PDZD8: variants seen among roughly 807,000 people sequenced by gnomAD.
PDZD8 encodes the protein PDZ domain containing 8.
In PDZD8, 14 loss-of-function variants were observed where a neutral mutation model predicts 85.8. That is an observed-to-expected ratio of 0.16 (90% CI 0.11 to 0.26). The LOEUF is 0.26. PDZD8 is among the 10% of genes least tolerant of loss of function. The pLI, the probability that PDZD8 is intolerant of heterozygous loss-of-function variation, is 1.00. For synonymous variants in PDZD8, 592 were observed against 568.6 expected, an observed-to-expected ratio of 1.04 and a Z score of -0.59; for missense variants, 1,197 against 1,424.3, an observed-to-expected ratio of 0.84 and a Z score of 2.57.
Position 117,283,567 on chromosome 10 carries a change from A to C in PDZD8, c.3166T>G (p.Ser1056Ala), listed in dbSNP as rs780719586. The part of the protein sequence containing the change: ...EIDQELEHNN[S>A]LVREEKETTD... ...GTCTCTTTTTCTTCTCTAACAAGGG[A>C]ATTATTGTGTTCCAACTCCTGATCA... Residue 1056 changes from serine to alanine, a missense_variant, in exon 5 of 5, where the codon TCC becomes GCC. By Grantham distance (99) the Ser-to-Ala change is moderately conservative. This residue lies in a region of PDZD8 where 418 missense variants were observed against 571.1 expected (regional missense o/e 0.73). Coordinates refer to ENST00000334464, the MANE Select transcript of PDZD8 (RefSeq NM_173791.5). The C allele has an allele frequency of 1.2e-6, 2 of 1,614,088 alleles. No homozygotes were observed. The highest frequency in any genetic ancestry group is 2.2e-5 in the South Asian group (2 of 91,070).
intron 4 of PDZD8, among the ~76,000 whole-genome samples, chr10:117,287,989 C>T (rs1283737346): frequency 6.6e-6 from 1 of 152,206 alleles, no homozygotes; most frequent in Non-Finnish European, 1.5e-5. Flanking sequence ...AATCTGAACT[C>T]ATTTTTTATG....
At chr10:117,347,193 G>A (rs1030075759) in intron 1 of PDZD8, among the ~76,000 whole-genome samples, 8 of 151,716 alleles carry the variant, frequency 5.3e-5, no homozygotes, top group African/African-American at 1.7e-4. Context: ...ATTATACCCC[G>A]CCAGCATTAA....
chr10:117,307,832 T>C (rs1843969382), intron 3 of PDZD8, among the ~76,000 whole-genome samples: 1 of 152,104 alleles, frequency 6.6e-6, no homozygotes, highest in African/African-American at 2.4e-5. Flanking sequence ...TTGCTGTTTC[T>C]ACCCCTTTCC....
At chr10:117,300,052 T>G (rs1191969927) in intron 3 of PDZD8, among the ~76,000 whole-genome samples, 3 of 119,410 alleles carry the variant, frequency 2.5e-5, no homozygotes, top group Admixed American at 8.9e-5. Context: ...TAGCACAGGT[T>G]ATATGAGAAA....
chr10:117,305,510 A>G (rs561911818), intron 3 of PDZD8, among the ~76,000 whole-genome samples: 2 of 148,048 alleles, frequency 1.4e-5, no homozygotes, highest in South Asian at 4.3e-4. Context: ...ACACACACAC[A>G]CACACATATA....
At position 117,279,412 on chromosome 10, in the gene PDZD8, A is replaced by T. The variant is rs769475753; in HGVS notation, c.*3856T>A. On this transcript the variant is annotated 3_prime_UTR_variant, in exon 5 of 5. Transcript: ENST00000334464. ...GTCCATATTTTAGCAAGTTTACTTA[A>T]TAAATCTTCTGAACCATGTTTTGTG... 1 of 152,222 alleles carries T rather than the reference A, an allele frequency of 6.6e-6. No individual in the cohort carries two copies. The highest frequency in any genetic ancestry group is 1.5e-5 in the Non-Finnish European group (1 of 68,036). 9.4% of individuals were successfully genotyped at this position (152,222 alleles called of 1,614,324 possible).
At chr10:117,333,485 T>C (rs1844465629) in intron 2 of PDZD8, among the ~76,000 whole-genome samples, 1 of 152,182 alleles carries the variant, frequency 6.6e-6, no homozygotes, top group Non-Finnish European at 1.5e-5. Flanking sequence ...ACATACCAAC[T>C]ACTCAGGAAA....
chr10:117,335,104 C>T (rs1292668848), intron 2 of PDZD8, among the ~76,000 whole-genome samples: 1 of 151,934 alleles, frequency 6.6e-6, no homozygotes, highest in Non-Finnish European at 1.5e-5. Context: ...GTGCTGAAAG[C>T]CAAACATAAA....
chr10:117,342,992 A>G (rs1844642554), intron 1 of PDZD8, among the ~76,000 whole-genome samples: 1 of 152,044 alleles, frequency 6.6e-6, no homozygotes, highest in African/African-American at 2.4e-5. Flanking sequence ...ACTCTTCTCT[A>G]TCTTGCAGTC....
chr10:117,304,361 G>A (rs190431490), intron 3 of PDZD8, among the ~76,000 whole-genome samples: 53 of 152,198 alleles, frequency 3.5e-4, no homozygotes, highest in Admixed American at 1.8e-3. Context: ...TACCCCCATC[G>A]TATCTAGGAA....
intron 1 of PDZD8, among the ~76,000 whole-genome samples, chr10:117,349,208 T>A (rs1351323082): frequency 1.3e-5 from 2 of 151,914 alleles, no homozygotes; most frequent in Admixed American, 1.3e-4. Flanking sequence ...AGAAAACCCA[T>A]TTGGGGCAGG....
chr10:117,284,580 C>T lies in PDZD8; in HGVS notation c.2153G>A (p.Arg718Lys), dbSNP rs747365646. 1.9e-6 allele frequency: 3 copies of T among 1,614,154 alleles called. No homozygotes were observed. Among genetic ancestry groups the T allele is most frequent in the East Asian group, 4.5e-5 (2 of 44,872 alleles). The change falls in exon 5 of 5, where the codon AGG (arginine) becomes AAG (lysine). Residue 718 changes from arginine (R) to lysine (K), a missense_variant. Arg to Lys is a conservative substitution (Grantham distance 26). Coordinates refer to ENST00000334464, the MANE Select transcript of PDZD8 (RefSeq NM_173791.5). ...HRYLNIALWC[R>K]DPFKLGGLIC... ...GAGACCTCCCAACTTGAAAGGATCC[C>T]TGCACCACAATGCAATGTTTAAGTA...
At chr10:117,314,485 G>A (rs1477146520) in intron 3 of PDZD8, among the ~76,000 whole-genome samples, 2 of 152,126 alleles carry the variant, frequency 1.3e-5, no homozygotes, top group Non-Finnish European at 2.9e-5. Context: ...ATACTGTTCT[G>A]ATTAAGAACT....
intron 1 of PDZD8, among the ~76,000 whole-genome samples, chr10:117,366,849 C>T (rs1845099154): frequency 6.6e-6 from 1 of 152,168 alleles, no homozygotes; most frequent in South Asian, 2.1e-4. Context: ...GAGATACCAA[C>T]CTCTCCCACA....
intron 1 of PDZD8, among the ~76,000 whole-genome samples, chr10:117,358,209 T>C (rs1369542735): frequency 6.6e-6 from 1 of 152,192 alleles, no homozygotes; most frequent in African/African-American, 2.4e-5. Context: ...GAGTTTCAAT[T>C]TGAGTAACTC....
At chr10:117,290,957 C>A (rs1356300923) in intron 3 of PDZD8, among the ~76,000 whole-genome samples, 2 of 150,342 alleles carry the variant, frequency 1.3e-5, no homozygotes, top group Non-Finnish European at 3.0e-5. Context: ...GCAACCTCCA[C>A]CTCCCAGGCG....
chr10:117,337,005 C>T (rs959034890), intron 2 of PDZD8, among the ~76,000 whole-genome samples: 2 of 151,690 alleles, frequency 1.3e-5, no homozygotes, highest in South Asian at 2.1e-4. Flanking sequence ...AAAAGAATGG[C>T]GTGAACCCAG....
In PDZD8 at chr10:117,336,805, CTAAGAA is replaced by C. The variant is rs113758035; in HGVS notation, c.995+4169_995+4174del. 3.6e-3 allele frequency among the ~76,000 whole-genome samples: 546 copies of C among 151,664 alleles called. 3 individuals carry two copies. The highest frequency in any genetic ancestry group is 0.012 in the African/African-American group (516 of 41,354). ...TTCATGGGTCAATGGTGACAATAAA[CTAAGAA>C]TAAGGGAAGACTCTTGGTAACAGAA... On this transcript the variant is annotated intron_variant, in intron 2 of 4. Coordinates refer to ENST00000334464, the MANE Select transcript of PDZD8 (RefSeq NM_173791.5).
intron 1 of PDZD8, among the ~76,000 whole-genome samples, 174 bp from the exon 2 acceptor site, chr10:117,341,276 G>A (rs1225571213): frequency 6.6e-6 from 1 of 152,152 alleles, no homozygotes; most frequent in East Asian, 1.9e-4. Flanking sequence ...TGGTGCCTTC[G>A]CTATGGCACC....
Sources: allele counts gnomAD v4.1 joint callset (sites outside exome capture counted in the v4.1 genomes callset), GRCh38; gene constraint gnomAD v4.1.1; regional missense constraint gnomAD v4.1.1; transcripts MANE v1.5; gene names NCBI Gene and HGNC (gene_info 2026-07-23, HGNC 2026-07-21).